The following OSR1 variants were observed in gnomAD, a reference collection of about 807,000 sequenced individuals.
The protein encoded by OSR1 is odd-skipped related transcription factor 1.
Under a neutral mutation model 15.7 loss-of-function variants are expected in OSR1, and 3 were observed. The ratio of observed to expected loss-of-function variants is 0.19; its 90% CI spans 0.09 to 0.50. The LOEUF (loss-of-function observed/expected upper bound fraction) is 0.50. Among genes scored for constraint, OSR1 ranks in the 20% least tolerant of loss-of-function variants. OSR1 has a pLI of 0.97. For synonymous variants in OSR1, 166 were observed against 152.7 expected (o/e 1.09, Z -0.64); for missense variants, 271 against 351.1 (o/e 0.77, Z 1.82).
chr2:19,352,324 G>A lies in OSR1; in HGVS notation c.752C>T (p.Thr251Met), dbSNP rs1196801661. Residue 251 changes from threonine (T) to methionine (M), a missense_variant, in exon 3 of 3, where the codon ACG becomes ATG. Thr to Met is a moderately conservative substitution (Grantham distance 81). Transcript: ENST00000272223. ...GAGCTCCTTCACCTGTGAGTGTAGCGTCTTGTGGACAGCGAGAGTCCTGGA... is the reference window on the plus strand; with the variant it reads ...GAGCTCCTTCACCTGTGAGTGTAGCATCTTGTGGACAGCGAGAGTCCTGGA... ...CQSRTLAVHK[T>M]LHSQVKELKT... The A allele has an allele frequency of 5.0e-6, 8 of 1,614,204 alleles. No homozygotes were observed. The highest frequency in any genetic ancestry group is 1.3e-5 in the African/African-American group (1 of 75,056).
At chr2:19,352,622 G>T (rs1017473947) in intron 2 of OSR1, among the ~76,000 whole-genome samples, 4 of 152,074 alleles carry the variant, frequency 2.6e-5, no homozygotes, top group Non-Finnish European at 5.9e-5. Flanking sequence ...AACAGGTTCA[G>T]CCACCTGTTT....
At position 19,353,323 on chromosome 2, in the gene OSR1, C is replaced by T. The variant is rs781377076; in HGVS notation, c.483G>A (p.Lys161=). The T allele has an allele frequency of 5.6e-6, 9 of 1,614,270 alleles. No individual in the cohort carries two copies. In the East Asian group the frequency reaches 1.6e-4, roughly 28 times the overall value. The change falls in exon 2 of 3, where the codon AAG becomes AAA. Residue 161 remains lysine (K), a synonymous_variant. Coordinates refer to ENST00000272223, the MANE Select transcript of OSR1 (RefSeq NM_145260.3). ...LDVTKLSPEK[K]PTRGRLPSKT... ...TGGAAGGCAGACGTCCCCTTGTGGGCTTCTTTTCTGGAGACAGCTTGGTCA... is the reference window on the plus strand; with the variant it reads ...TGGAAGGCAGACGTCCCCTTGTGGGTTTCTTTTCTGGAGACAGCTTGGTCA...
At chr2:19,348,548 G>C (rs969356861), downstream of OSR1, 1 of 154,260 alleles carries the variant, frequency 6.5e-6, no homozygotes, top group Non-Finnish European at 1.5e-5. Context: ...GGGACACCAA[G>C]ATTCTAGGGG....
downstream of OSR1, among the ~76,000 whole-genome samples, chr2:19,349,610 C>A (rs2103357227): frequency 6.6e-6 from 1 of 152,304 alleles, no homozygotes; most frequent in African/African-American, 2.4e-5. Flanking sequence ...ACGTGGCTGG[C>A]AAACCTCCCC....
Position 19,352,070 on chromosome 2 carries a change from C to T in OSR1, c.*205G>A, listed in dbSNP as rs575912279. On this transcript the variant is annotated 3_prime_UTR_variant, in exon 3 of 3. Coordinates refer to ENST00000272223, the MANE Select transcript of OSR1 (RefSeq NM_145260.3). ...CTTTTGGCCAAGAGTTTAGCCGCGT[C>T]CTAGGGGAGCAGCAGGGACGGTCGG... The T allele has an allele frequency of 6.1e-6, 3 of 493,218 alleles. No homozygotes were observed. The highest frequency in any genetic ancestry group is 5.8e-5 in the African/African-American group (3 of 51,984). The allele number at this position is 493,218 out of a possible 1,614,324, so 30.6% of individuals were successfully genotyped here.
At chr2:19,356,332 C>T (rs1463090014) in intron 1 of OSR1, 1 of 152,262 alleles carries the variant, frequency 6.6e-6, no homozygotes, top group African/African-American at 2.4e-5. Context: ...CTTGTTTTCC[C>T]CAACACTACA....
chr2:19,346,317 G>T, the OSR1 span, among the ~76,000 whole-genome samples: 1 of 152,172 alleles, frequency 6.6e-6, no homozygotes, highest in African/African-American at 2.4e-5. Context: ...TCTGGAGCTG[G>T]AACTAGACTT....
At chr2:19,347,830 G>C (rs541463253), downstream of OSR1, among the ~76,000 whole-genome samples, 3 of 152,362 alleles carry the variant, frequency 2.0e-5, no homozygotes, top group East Asian at 5.8e-4. Context: ...TCCAAGTCAA[G>C]GGCTCCAGCC....
chr2:19,357,477 G>C lies in OSR1; in HGVS notation c.-33+864C>G, dbSNP rs1379556131. On this transcript the variant is annotated intron_variant, in intron 1 of 2. Coordinates refer to ENST00000272223, the MANE Select transcript of OSR1 (RefSeq NM_145260.3). This position sits in a 1 kb window ranked among gnomAD's most constrained non-coding sequence, Gnocchi z 5.0. ...TTCTTCTCCGAGACATTTCCGAGGA[G>C]AAATTAGTTCAGCAGGCAGCCCTTC... is the stretch of plus-strand genomic sequence containing the variant. Among the ~76,000 whole-genome samples the C allele has an allele frequency of 6.6e-6, 1 of 152,202 alleles. No individual in the cohort carries two copies. Among genetic ancestry groups the C allele is most frequent in the Non-Finnish European group, 1.5e-5 (1 of 68,042 alleles).
downstream of OSR1, chr2:19,348,404 C>T (rs570212539): frequency 4.5e-5 from 7 of 154,460 alleles, no homozygotes; most frequent in African/African-American, 1.7e-4. Context: ...TGGAATGCCT[C>T]TGTGGACCTC....
At chr2:19,358,193 T>C (rs531409698) in intron 1 of OSR1, 148 bp downstream of exon 1, 5 of 152,378 alleles carry the variant, frequency 3.3e-5, no homozygotes, top group Non-Finnish European at 7.3e-5. Context: ...CTGCTCTCAC[T>C]TTCACAAAAG....
At chr2:19,352,892 G>A (rs911717231) in intron 2 of OSR1, among the ~76,000 whole-genome samples, 2 of 152,228 alleles carry the variant, frequency 1.3e-5, no homozygotes, top group Non-Finnish European at 2.9e-5. Context: ...TGGGGCAGAG[G>A]AAGCTGTGTG....
downstream of OSR1, among the ~76,000 whole-genome samples, chr2:19,349,788 G>A (rs935354994): frequency 1.4e-5 from 2 of 148,070 alleles, no homozygotes; most frequent in Non-Finnish European, 3.0e-5. Flanking sequence ...GGACTAGGAA[G>A]GGCACCCTGT....
At chr2:19,347,033 A>C (rs1245474860), downstream of OSR1, among the ~76,000 whole-genome samples, 2 of 152,180 alleles carry the variant, frequency 1.3e-5, no homozygotes, top group Non-Finnish European at 2.9e-5. Flanking sequence ...ATTGCTCCCT[A>C]CGTCATTGAA....
Position 19,353,496 on chromosome 2 carries a change from C to G in OSR1, c.310G>C (p.Ala104Pro). 1 of 1,614,194 alleles carries G rather than the reference C, an allele frequency of 6.2e-7. No individual in the cohort carries two copies. The highest frequency in any genetic ancestry group is 1.1e-5 in the South Asian group (1 of 91,090). The stretch of plus-strand genomic sequence containing the variant: ...TTGAGCGCTGGAACGCTGCCTCCAG[C>G]GGTGATCTCGGGCTTGGGTTGAATG... Reference protein sequence around the residue: ...HVIQPKPEITAGGSVPALKTK... With the variant: ...HVIQPKPEITPGGSVPALKTK... The change falls in exon 2 of 3, where the codon GCT (alanine) becomes CCT (proline). Residue 104 changes from alanine (A) to proline (P), a missense_variant. By Grantham distance (27) the Ala-to-Pro change is conservative. This residue lies in a region of OSR1 where 210 missense variants were observed against 218.4 expected (regional missense o/e 0.96). Transcript: ENST00000272223.
rs771869183 is a variant in OSR1, at chr2:19,358,475, C to G, written c.-167G>C. On this transcript the variant is annotated 5_prime_UTR_variant, in exon 1 of 3. Coordinates refer to ENST00000272223, the MANE Select transcript of OSR1 (RefSeq NM_145260.3). ...CCCGACTCCTCTCCTGCCGCGGGGA[C>G]TCCAAGCGCCGGACACGCGGGAGCG... 1.4e-4 allele frequency: 21 copies of G among 152,386 alleles called. No individual in the cohort carries two copies. The Middle Eastern group carries it at 0.01, about 74-fold the overall frequency. The allele number at this position is 152,386 out of a possible 1,614,324, so 9.4% of individuals were successfully genotyped here.
At chr2:19,356,163 G>C (rs1432772923) in intron 1 of OSR1, 1 of 152,474 alleles carries the variant, frequency 6.6e-6, no homozygotes, top group Admixed American at 6.5e-5. Flanking sequence ...CTCCGTGCCT[G>C]GGTGGGAGAA....
chr2:19,353,558 C>G lies in OSR1; in HGVS notation c.248G>C (p.Arg83Pro), dbSNP rs370211451. The change falls in exon 2 of 3, where the codon CGC becomes CCC. Residue 83 changes from arginine (R) to proline (P), a missense_variant. Around this residue, in one of 4 missense-constraint regions of OSR1, gnomAD observed 210 missense variants for 218.4 expected, o/e 0.96. Transcript: ENST00000272223. Reference sequence around the variant, plus strand: ...CCAGGGAAAGGCGGGCAGCTGGAAGCGCGCATCCACCAAGCTGGACACCGT... The same window carrying G: ...CCAGGGAAAGGCGGGCAGCTGGAAGGGCGCATCCACCAAGCTGGACACCGT... ...PGTVSSLVDA[R>P]FQLPAFPWFP... is the part of the protein sequence containing the mutation. 4.3e-6 allele frequency: 7 copies of G among 1,614,072 alleles called. No homozygotes were observed. Among genetic ancestry groups the G allele is most frequent in the Non-Finnish European group, 5.9e-6 (7 of 1,180,032 alleles).
In OSR1 at chr2:19,353,299, G is replaced by A; in HGVS notation, c.507C>T (p.Ser169=). The change falls in exon 2 of 3, where the codon TCC becomes TCT. Residue 169 remains serine, a synonymous_variant. Transcript: ENST00000272223. The stretch of plus-strand genomic sequence containing the variant: ...TGCAGACGAATTCCTTCTTGGTCTT[G>A]GAAGGCAGACGTCCCCTTGTGGGCT... ...EKKPTRGRLP[S]KTKKEFVCKF... The A allele has an allele frequency of 6.2e-7, 1 of 1,614,242 alleles. No individual in the cohort carries two copies. Among genetic ancestry groups the A allele is most frequent in the Non-Finnish European group, 8.5e-7 (1 of 1,180,048 alleles).
Sources: gnomAD v4.1 joint callset for allele counts (sites outside exome capture counted in the v4.1 genomes callset) on GRCh38, gnomAD v4.1.1 for gene constraint, gnomAD v4.1.1 regional missense constraint, Gnocchi (gnomAD v3.1) non-coding constraint, MANE v1.5 for transcripts, NCBI Gene and HGNC (gene_info 2026-07-23, HGNC 2026-07-21) for gene names.